Variants in PGM5 observed in about 807,000 individuals in gnomAD.
The protein encoded by PGM5 is phosphoglucomutase-like protein 5.
A neutral mutation model predicts 59.2 loss-of-function variants in PGM5; 23 were observed. The observed-to-expected ratio is 0.39, with a 90% confidence interval of 0.28 to 0.55. PGM5 has a LOEUF of 0.55. PGM5 is among the 20% of genes least tolerant of loss of function. The pLI, the probability that PGM5 is intolerant of heterozygous loss-of-function variation, is 0.66. For missense variants in PGM5, 574 were observed against 748.3 expected (o/e 0.77, Z 2.72); for synonymous variants, 214 against 286.0 (o/e 0.75, Z 2.54).
At chr9:68,483,399 C>T (rs1554687284) in intron 8 of PGM5, among the ~76,000 whole-genome samples, 1 of 152,142 alleles carries the variant, frequency 6.6e-6, no homozygotes, top group African/African-American at 2.4e-5. Context: ...ATTTGAAGAG[C>T]TGGCAGAAGA....
At chr9:68,362,865 CTTTTTTT>C (rs1163826772) in intron 1 of PGM5, among the ~76,000 whole-genome samples, 6 of 96,782 alleles carry the variant, frequency 6.2e-5, no homozygotes, top group East Asian at 3.0e-4. Flanking sequence ...TTTTCTTTTT[CTTTTTTT>C]TTTTTTTTTT....
Position 68,472,578 on chromosome 9 carries a change from G to T in PGM5, c.1160-6840G>T, listed in dbSNP as rs1309673270. On this transcript the variant is annotated intron_variant, in intron 7 of 10. Transcript: ENST00000396396. ...AGGTTTCTTCCATCATGATATTTCA[G>T]GTTGCTTCTAACTAGCTACCCTTAG... Among the ~76,000 whole-genome samples, 8 of 152,248 alleles carry T rather than the reference G, an allele frequency of 5.3e-5. No individual in the cohort carries two copies. In the South Asian group the frequency reaches 1.0e-3, roughly 20 times the overall value.
chr9:68,499,701 T>C (rs7854357), intron 10 of PGM5, among the ~76,000 whole-genome samples: 107,321 of 151,470 alleles, frequency 0.71, 38,677 homozygotes, highest in East Asian at 0.99. Context: ...GGTGAAACTC[T>C]CAGAGCCTTG....
chr9:68,410,446 G>A (rs1554681527), intron 6 of PGM5, among the ~76,000 whole-genome samples: 2 of 152,116 alleles, frequency 1.3e-5, no homozygotes, highest in African/African-American at 2.4e-5. Context: ...CTTCAAAGAT[G>A]TAAAATATCT....
intron 6 of PGM5, among the ~76,000 whole-genome samples, chr9:68,431,646 C>G (rs1039808081): frequency 2.0e-5 from 3 of 152,156 alleles, no homozygotes; most frequent in Non-Finnish European, 4.4e-5. Flanking sequence ...TCACAGTCTT[C>G]TTCTAGAATG....
intron 9 of PGM5, among the ~76,000 whole-genome samples, chr9:68,485,142 C>T (rs991053755): frequency 1.3e-5 from 2 of 152,168 alleles, no homozygotes; most frequent in Non-Finnish European, 2.9e-5. Flanking sequence ...TATTCCTCTA[C>T]CTTATATCTT....
At chr9:68,483,560 C>A (rs1554687297) in intron 8 of PGM5, among the ~76,000 whole-genome samples, 1 of 152,068 alleles carries the variant, frequency 6.6e-6, no homozygotes, top group Non-Finnish European at 1.5e-5. Context: ...AAGAGGTGGG[C>A]CAGGGCAGAT....
chr9:68,464,077 T>C (rs1823896769), intron 6 of PGM5, among the ~76,000 whole-genome samples: 1 of 152,228 alleles, frequency 6.6e-6, no homozygotes, highest in Admixed American at 6.5e-5. Context: ...ATAGGATTTA[T>C]GGTATTACAT....
At chr9:68,499,644 A>G (rs1019430315) in intron 10 of PGM5, among the ~76,000 whole-genome samples, 13 of 152,242 alleles carry the variant, frequency 8.5e-5, no homozygotes, top group African/African-American at 3.1e-4. Context: ...TGGGGTAAAG[A>G]AAAAGCACCT....
At chr9:68,469,187 G>A (rs1292909607) in intron 7 of PGM5, among the ~76,000 whole-genome samples, 3 of 152,164 alleles carry the variant, frequency 2.0e-5, no homozygotes, top group African/African-American at 4.8e-5. Flanking sequence ...GAAAGTGCTG[G>A]GATGGCAGGC....
intron 10 of PGM5, among the ~76,000 whole-genome samples, chr9:68,500,335 T>G (rs1554688547): frequency 6.6e-6 from 1 of 152,138 alleles, no homozygotes; most frequent in African/African-American, 2.4e-5. Context: ...CATGGTCTGT[T>G]TCTTTGGAGA....
intron 6 of PGM5, among the ~76,000 whole-genome samples, chr9:68,421,056 A>G (rs1554682299): frequency 6.6e-6 from 1 of 152,200 alleles, no homozygotes; most frequent in Non-Finnish European, 1.5e-5. Context: ...ATAATGTGTG[A>G]TGAGTATATG....
At chr9:68,370,905 G>C (rs1262479498) in intron 1 of PGM5, among the ~76,000 whole-genome samples, 2 of 152,174 alleles carry the variant, frequency 1.3e-5, no homozygotes, top group Non-Finnish European at 1.5e-5. Flanking sequence ...GTCATGGCTA[G>C]GTAGGAACAA....
At chr9:68,426,249 C>T (rs1181813616) in intron 6 of PGM5, among the ~76,000 whole-genome samples, 1 of 119,502 alleles carries the variant, frequency 8.4e-6, no homozygotes, top group Non-Finnish European at 1.8e-5. Context: ...AATCCCAATT[C>T]CTCATGTATT....
chr9:68,406,631 A>G (rs1389605326), intron 6 of PGM5: 3 of 134,648 alleles, frequency 2.2e-5, no homozygotes, highest in Non-Finnish European at 4.7e-5. Flanking sequence ...AAACCATAGC[A>G]CAGGGTCTTG....
chr9:68,520,474 TAGTTA>T (rs1824885525), intron 10 of PGM5, among the ~76,000 whole-genome samples: 1 of 152,186 alleles, frequency 6.6e-6, no homozygotes, highest in African/African-American at 2.4e-5. Context: ...TTAAACAACT[TAGTTA>T]ACACACCTGA....
chr9:68,398,900 CT>C (rs1317429861), intron 6 of PGM5, among the ~76,000 whole-genome samples: 1 of 152,072 alleles, frequency 6.6e-6, no homozygotes, highest in Non-Finnish European at 1.5e-5. Context: ...AATAATTGGT[CT>C]GATTGAAGGC....
chr9:68,389,667 C>G (rs12236622), intron 4 of PGM5, among the ~76,000 whole-genome samples: 2 of 151,944 alleles, frequency 1.3e-5, no homozygotes, highest in Non-Finnish European at 2.9e-5. Context: ...AATTAGATTT[C>G]TTTTTCTTCT....
chr9:68,404,618 C>T (rs1436099155), intron 6 of PGM5, among the ~76,000 whole-genome samples: 1 of 152,156 alleles, frequency 6.6e-6, no homozygotes, highest in African/African-American at 2.4e-5. Flanking sequence ...GGAATCCAGA[C>T]CTGGGAATCC....
Sources: allele counts gnomAD v4.1 joint callset (sites outside exome capture counted in the v4.1 genomes callset), GRCh38; gene constraint gnomAD v4.1.1; transcripts MANE v1.5; gene names NCBI Gene and HGNC (gene_info 2026-07-23, HGNC 2026-07-21).